The following MAPK8IP3 variants were observed in gnomAD, a reference collection of about 807,000 sequenced individuals.
The protein encoded by MAPK8IP3 is C-Jun-amino-terminal kinase-interacting protein 3.
In MAPK8IP3, 49 loss-of-function variants were observed where a neutral mutation model predicts 157.8. The ratio of observed to expected loss-of-function variants is 0.31; its 90% CI spans 0.25 to 0.39. The LOEUF is 0.39. Among genes scored for constraint, MAPK8IP3 ranks in the 10% least tolerant of loss-of-function variants. The probability of loss-of-function intolerance (pLI) is 1.00; values close to 1 mark genes in which losing one functional copy is unlikely to be tolerated. For synonymous variants in MAPK8IP3, 897 were observed against 777.7 expected, an observed-to-expected ratio of 1.15 and a Z score of -2.55; for missense variants, 1,478 against 1,889.4, an observed-to-expected ratio of 0.78 and a Z score of 4.04.
intron 24 of MAPK8IP3, 34 bp downstream of exon 24, chr16:1,766,837 G>C: frequency 6.2e-7 from 1 of 1,612,262 alleles, no homozygotes; most frequent in Non-Finnish European, 8.5e-7. Flanking sequence ...CGGGCGGCGC[G>C]GGGGAACGGG....
At chr16:1,757,084 C>T (rs946567670) in intron 8 of MAPK8IP3, among the ~76,000 whole-genome samples, 14 of 152,188 alleles carry the variant, frequency 9.2e-5, no homozygotes, top group African/African-American at 2.2e-4. Context: ...AACAAACAGC[C>T]GTTTTGTCAT....
intron 2 of MAPK8IP3, among the ~76,000 whole-genome samples, chr16:1,728,811 C>T (rs1481932854): frequency 6.9e-6 from 1 of 145,464 alleles, no homozygotes; most frequent in Admixed American, 6.7e-5. Context: ...AGCAGCCCCC[C>T]AGACGGCTTT....
chr16:1,734,362 C>T (rs1046792690), intron 4 of MAPK8IP3, among the ~76,000 whole-genome samples: 4 of 152,230 alleles, frequency 2.6e-5, no homozygotes, highest in African/African-American at 9.6e-5. Context: ...CACCAGCGCA[C>T]GGAATCGGTC....
intron 20 of MAPK8IP3, 55 bp downstream of exon 20, chr16:1,765,233 G>A: frequency 3.3e-6 from 5 of 1,532,500 alleles, no homozygotes; most frequent in Non-Finnish European, 4.4e-6. Flanking sequence ...TTACTAGCAA[G>A]CTAAGTAAAA....
rs370173219 is a variant in MAPK8IP3 at position 1,741,943 on chromosome 16, G to A, written c.603-1389G>A. Among the ~76,000 whole-genome samples the A allele has an allele frequency of 8.5e-5, 13 of 152,246 alleles. No individual in the cohort carries two copies. The highest frequency in any genetic ancestry group is 2.6e-4 in the African/African-American group (11 of 41,550). ...CTTCATAGCTCCCCACCCAGGTAGC[G>A]GAGCTCCTGGTCAGCGGCGGCTGCT... On this transcript the variant is annotated intron_variant, in intron 4 of 31. Coordinates refer to ENST00000610761, the MANE Select transcript of MAPK8IP3 (RefSeq NM_001318852.2). The surrounding 1 kb of genome is among the most constrained non-coding windows in gnomAD (Gnocchi z 6.9).
At chr16:1,757,465 G>C (rs1008225900) in intron 8 of MAPK8IP3, among the ~76,000 whole-genome samples, 1 of 152,168 alleles carries the variant, frequency 6.6e-6, no homozygotes, top group African/African-American at 2.4e-5. Context: ...AGAGAACCGC[G>C]TCCTCACCTC....
chr16:1,725,737 G>A (rs971370224), intron 2 of MAPK8IP3, among the ~76,000 whole-genome samples: 7 of 151,970 alleles, frequency 4.6e-5, no homozygotes, highest in Admixed American at 4.6e-4. Flanking sequence ...CGCTGTTTTT[G>A]CCCAGGCTGG....
At chr16:1,715,901 A>G (rs2038116045) in intron 1 of MAPK8IP3, among the ~76,000 whole-genome samples, 1 of 151,664 alleles carries the variant, frequency 6.6e-6, no homozygotes, top group Non-Finnish European at 1.5e-5. Context: ...GATTTTTTGT[A>G]TTTTTAGTAG....
intron 21 of MAPK8IP3, 30 bp downstream of exon 21, chr16:1,766,172 C>T: frequency 1.9e-6 from 3 of 1,602,046 alleles, no homozygotes; most frequent in African/African-American, 1.3e-5. Context: ...CCCCCATCCC[C>T]TCATTCCCAC....
chr16:1,709,141 G>A (rs907961331), intron 1 of MAPK8IP3, among the ~76,000 whole-genome samples: 1 of 152,210 alleles, frequency 6.6e-6, no homozygotes, highest in Non-Finnish European at 1.5e-5. Context: ...GACAGAATCC[G>A]CAGGGTTTTA....
In MAPK8IP3 at chr16:1,766,536, G is replaced by C; in HGVS notation, c.2827G>C (p.Gly943Arg). 6.2e-7 allele frequency: 1 copy of C among 1,611,608 alleles called. No individual in the cohort carries two copies. The highest frequency in any genetic ancestry group is 8.5e-7 in the Non-Finnish European group (1 of 1,179,808). Residue 943 changes from glycine (G) to arginine (R), a missense_variant, in exon 23 of 32, where the codon GGG (glycine) becomes CGG (arginine). By Grantham distance (125) the Gly-to-Arg change is moderately radical. Transcript: ENST00000610761. ...CCACCGTTCTTCCTGCAGCGAGAAC[G>C]GGCCAGAGCCTGACAGCAGCAGCAC... ...SSGPQPGSEN[G>R]PEPDSSSTRP... is the part of the protein sequence containing the mutation.
At chr16:1,719,687 A>C (rs953797582) in intron 1 of MAPK8IP3, among the ~76,000 whole-genome samples, 356 of 150,346 alleles carry the variant, frequency 2.4e-3, no homozygotes, top group Non-Finnish European at 4.2e-3. Flanking sequence ...AAAAAAAAAA[A>C]CCACAAAAAT....
chr16:1,760,967 G>A (rs897882040), intron 12 of MAPK8IP3, among the ~76,000 whole-genome samples: 2 of 152,292 alleles, frequency 1.3e-5, no homozygotes, highest in African/African-American at 2.4e-5. Flanking sequence ...CTCCCCCTCC[G>A]CATTCCCGGG....
At position 1,730,618 on chromosome 16, in the gene MAPK8IP3, C is replaced by T. The variant is rs866459980; in HGVS notation, c.602+1040C>T. 5.9e-5 allele frequency among the ~76,000 whole-genome samples: 9 copies of T among 151,908 alleles called. No homozygotes were observed. The South Asian group carries it at 1.5e-3, about 25-fold the overall frequency. Reference sequence around the variant, plus strand: ...CAGCACTTTGGGAGGGCAAGGAGGGCGGATCATGAGGTCAGGAGATCGAGA... The same window carrying T: ...CAGCACTTTGGGAGGGCAAGGAGGGTGGATCATGAGGTCAGGAGATCGAGA... On this transcript the variant is annotated intron_variant, in intron 4 of 31. Coordinates refer to ENST00000610761, the MANE Select transcript of MAPK8IP3 (RefSeq NM_001318852.2).
At chr16:1,749,209 T>C (rs544991571) in intron 8 of MAPK8IP3, among the ~76,000 whole-genome samples, 15 of 152,270 alleles carry the variant, frequency 9.9e-5, no homozygotes, top group Admixed American at 1.3e-4. Context: ...GAGTGCACGG[T>C]GCGGTGGGTT....
rs951368344 is a variant in MAPK8IP3 at position 1,744,929 on chromosome 16, G to C, written c.747+1453G>C. 7 of 976,740 alleles carry C rather than the reference G, an allele frequency of 7.2e-6. No homozygotes were observed. In the South Asian group the frequency reaches 1.9e-4, roughly 26 times the overall value. The allele number at this position is 976,740 out of a possible 1,614,324, so 60.5% of individuals were successfully genotyped here. ...GTTTTTCTAATTTCTTAATTTTTTT[G>C]TTGTTTTTTGTTTTGTTTTGTTTTT... On this transcript the variant is annotated intron_variant, in intron 5 of 31. Transcript: ENST00000610761.
chr16:1,724,454 A>C lies in MAPK8IP3; in HGVS notation c.319-103A>C. ...TGGGCCAGCTTGTGGCCCTGGGGACATCTTTGGCCCCTGGGCCCTCAAAGC... is the reference window on the plus strand; with the variant it reads ...TGGGCCAGCTTGTGGCCCTGGGGACCTCTTTGGCCCCTGGGCCCTCAAAGC... On this transcript the variant is annotated intron_variant, in intron 1 of 31. Coordinates refer to ENST00000610761, the MANE Select transcript of MAPK8IP3 (RefSeq NM_001318852.2). The surrounding 1 kb of genome is among the most constrained non-coding windows in gnomAD (Gnocchi z 4.1). 6.8e-7 allele frequency: 1 copy of C among 1,461,306 alleles called. No individual in the cohort carries two copies. The highest frequency in any genetic ancestry group is 9.2e-7 in the Non-Finnish European group (1 of 1,088,296). 90.5% of individuals were successfully genotyped at this position (1,461,306 alleles called of 1,614,324 possible). A position where few individuals can be genotyped will look rare whatever the true frequency, so the allele number is the denominator to read the frequency against.
At chr16:1,760,854 T>C (rs918429942) in intron 12 of MAPK8IP3, among the ~76,000 whole-genome samples, 6 of 152,222 alleles carry the variant, frequency 3.9e-5, no homozygotes, top group Admixed American at 1.3e-4. Flanking sequence ...CCAGCCCTTC[T>C]CTGATGGACA....
chr16:1,724,093 C>G lies in MAPK8IP3; in HGVS notation c.319-464C>G, dbSNP rs73501639. Among the ~76,000 whole-genome samples, 3,443 of 152,280 alleles carry G rather than the reference C, an allele frequency of 0.023. 155 individuals carry two copies. Among genetic ancestry groups the G allele is most frequent in the African/African-American group, 0.078 (3,245 of 41,544 alleles). On this transcript the variant is annotated intron_variant, in intron 1 of 31. Transcript: ENST00000610761. The surrounding 1 kb of genome is among the most constrained non-coding windows in gnomAD (Gnocchi z 4.1). Reference sequence around the variant, plus strand: ...GGGAGTCAGATGACTCCATTGCAAACAGGACTGGCTGTGTGCTCATGGATC... The same window carrying G: ...GGGAGTCAGATGACTCCATTGCAAAGAGGACTGGCTGTGTGCTCATGGATC...
Sources: gnomAD v4.1 joint callset for allele counts (sites outside exome capture counted in the v4.1 genomes callset) on GRCh38, gnomAD v4.1.1 for gene constraint, Gnocchi (gnomAD v3.1) non-coding constraint, MANE v1.5 for transcripts, NCBI Gene and HGNC (gene_info 2026-07-23, HGNC 2026-07-21) for gene names.